EYS: variants seen among roughly 807,000 people sequenced by gnomAD.
EYS encodes the protein protein eyes shut homolog.
A neutral mutation model predicts 282.1 loss-of-function variants in EYS; 250 were observed. The observed-to-expected ratio is 0.89, with a 90% CI of 0.80 to 0.98. The LOEUF is 0.98. Among genes scored for constraint, EYS ranks in the 50% least tolerant of loss-of-function variants. The pLI is 0.00. For synonymous variants in EYS, 1,355 were observed against 1,282.9 expected (o/e 1.06, Z -1.20); for missense variants, 4,016 against 3,709.0 (o/e 1.08, Z -2.15).
intron 4 of EYS, among the ~76,000 whole-genome samples, chr6:65,494,067 G>T (rs966610510): frequency 6.6e-6 from 1 of 152,030 alleles, no homozygotes; most frequent in Admixed American, 6.6e-5. Context: ...ATGTTTTAAT[G>T]TATGAGACGT....
intron 35 of EYS, among the ~76,000 whole-genome samples, chr6:63,871,362 G>A (rs1051454040): frequency 4.6e-5 from 7 of 152,140 alleles, no homozygotes; most frequent in Non-Finnish European, 7.4e-5. Flanking sequence ...AGTTTTCCCC[G>A]TTATTAATTT....
chr6:65,499,546 T>A (rs538847859), intron 2 of EYS, among the ~76,000 whole-genome samples: 2 of 152,102 alleles, frequency 1.3e-5, no homozygotes, highest in South Asian at 4.1e-4. Flanking sequence ...AAATTATACA[T>A]TGTACTTTCA....
At chr6:63,916,621 A>C (rs968487051) in intron 35 of EYS, among the ~76,000 whole-genome samples, 21 of 152,230 alleles carry the variant, frequency 1.4e-4, no homozygotes, top group African/African-American at 4.8e-4. Flanking sequence ...TTCTGGATAC[A>C]AGTTCTTCAT....
rs1234486237 is a variant in EYS at position 65,494,895 on chromosome 6, C to T, written c.516G>A (p.Gln172=). Reference sequence around the variant, plus strand: ...CTGAACTCAGAGATTCCTGGCAGAACTGCTGTTTCACTGTCACATTTAGTC... The same window carrying T: ...CTGAACTCAGAGATTCCTGGCAGAATTGCTGTTTCACTGTCACATTTAGTC... ...GLRLNVTVKQ[Q]FCQESLSSEF... is the part of the protein sequence containing the mutation. Residue 172 remains glutamine, a synonymous_variant, in exon 4 of 43, where the codon CAG becomes CAA. Coordinates refer to ENST00000503581, the MANE Select transcript of EYS (RefSeq NM_001142800.2). 4 of 1,613,934 alleles carry T rather than the reference C, an allele frequency of 2.5e-6. No homozygotes were observed. Among genetic ancestry groups the T allele is most frequent in the African/African-American group, 2.7e-5 (2 of 74,912 alleles).
At chr6:65,465,356 A>C (rs1258752141) in intron 5 of EYS, among the ~76,000 whole-genome samples, 2 of 151,886 alleles carry the variant, frequency 1.3e-5, no homozygotes, top group Non-Finnish European at 2.9e-5. Flanking sequence ...GCACACCTGC[A>C]GTGTTAGCTA....
intron 12 of EYS, among the ~76,000 whole-genome samples, chr6:65,158,019 T>G (rs966946156): frequency 6.6e-6 from 1 of 150,944 alleles, no homozygotes; most frequent in Non-Finnish European, 1.5e-5. Context: ...ATAAATCTTT[T>G]GTAATATCAT....
intron 16 of EYS, among the ~76,000 whole-genome samples, chr6:64,911,770 T>C (rs1767999734): frequency 6.6e-6 from 1 of 152,140 alleles, no homozygotes; most frequent in South Asian, 2.1e-4. Context: ...TAATTGCTTA[T>C]GAGTAGCCAT....
At chr6:64,649,436 C>T (rs1298666241) in intron 22 of EYS, among the ~76,000 whole-genome samples, 1 of 151,816 alleles carries the variant, frequency 6.6e-6, no homozygotes, top group Non-Finnish European at 1.5e-5. Context: ...TTCCAGGGTT[C>T]AAGCGATTCT....
At chr6:63,948,322 A>G (rs1257672536) in intron 35 of EYS, among the ~76,000 whole-genome samples, 1 of 152,194 alleles carries the variant, frequency 6.6e-6, no homozygotes, top group Non-Finnish European at 1.5e-5. Context: ...TTGCTTTCTC[A>G]TAGCATGTGC....
At chr6:65,677,980 G>A (rs1400727240) in intron 1 of EYS, among the ~76,000 whole-genome samples, 1 of 152,030 alleles carries the variant, frequency 6.6e-6, no homozygotes, top group Non-Finnish European at 1.5e-5. Context: ...AAGGAATAGT[G>A]GAGGCTGGGT....
chr6:64,474,409 A>C (rs1369032780), intron 26 of EYS, among the ~76,000 whole-genome samples: 1 of 152,238 alleles, frequency 6.6e-6, no homozygotes, highest in African/African-American at 2.4e-5. Flanking sequence ...CTAGTAGCAT[A>C]AACTCAACCT....
intron 26 of EYS, among the ~76,000 whole-genome samples, chr6:64,539,177 C>T (rs1390164281): frequency 6.6e-6 from 1 of 152,116 alleles, no homozygotes; most frequent in African/African-American, 2.4e-5. Context: ...AGAGTGGCTG[C>T]ATGACAATGT....
In EYS at chr6:64,591,726, C is replaced by T. The variant is rs1758206278; in HGVS notation, c.4141G>A (p.Gly1381Ser). The change falls in exon 26 of 43, where the codon GGT becomes AGT. Residue 1381 changes from glycine to serine, a missense_variant. Coordinates refer to ENST00000503581, the MANE Select transcript of EYS (RefSeq NM_001142800.2). The stretch of plus-strand genomic sequence containing the variant: ...GCTCTCCTATCAGGAAAAAAGAAAC[C>T]TAGTGTGGCTGCTGAAGTTCGAATA... The part of the protein sequence containing the change: ...MPIRTSAATL[G>S]FFFPDRRART... The T allele has an allele frequency of 6.4e-7, 1 of 1,551,294 alleles. No individual in the cohort carries two copies. The highest frequency in any genetic ancestry group is 2.0e-5 in the Admixed American group (1 of 50,970).
At chr6:64,696,198 A>C (rs1015166843) in intron 22 of EYS, among the ~76,000 whole-genome samples, 3 of 152,202 alleles carry the variant, frequency 2.0e-5, no homozygotes, top group African/African-American at 7.2e-5. Flanking sequence ...GAAATAAAAA[A>C]TTTGTTGAAA....
At chr6:64,923,629 A>G (rs1294230690) in intron 15 of EYS, among the ~76,000 whole-genome samples, 6 of 152,320 alleles carry the variant, frequency 3.9e-5, no homozygotes, top group East Asian at 1.9e-4. Context: ...AAAGCAAGAT[A>G]GTTATTTCCT....
intron 2 of EYS, among the ~76,000 whole-genome samples, chr6:65,545,767 A>C (rs1768361156): frequency 6.6e-6 from 1 of 152,164 alleles, no homozygotes; most frequent in Non-Finnish European, 1.5e-5. Context: ...ATAGTTAAGA[A>C]AGACCATCAA....
Position 64,591,450 on chromosome 6 carries a change from A to G in EYS, c.4417T>C (p.Ser1473Pro). Residue 1473 changes from serine (S) to proline (P), a missense_variant, in exon 26 of 43, where the codon TCA becomes CCA. Ser to Pro is a moderately conservative substitution (Grantham distance 74). Transcript: ENST00000503581. ...CTTCTTGAAATTAAAGAATCAGCTG[A>G]ATATTCTTCAATATCCTCTTGAGCC... is the stretch of plus-strand genomic sequence containing the variant. ...RGAQEDIEEYSADSLISRREH... is the reference protein window; with the variant it reads ...RGAQEDIEEYPADSLISRREH... 1 of 1,551,348 alleles carries G rather than the reference A, an allele frequency of 6.4e-7. No individual in the cohort carries two copies. The highest frequency in any genetic ancestry group is 2.4e-5 in the East Asian group (1 of 40,898).
intron 35 of EYS, among the ~76,000 whole-genome samples, chr6:63,970,107 C>T (rs540945776): frequency 1.9e-4 from 29 of 152,274 alleles, no homozygotes; most frequent in South Asian, 6.2e-4. Flanking sequence ...GGAGACATGG[C>T]GAGGTGGTGA....
intron 29 of EYS, among the ~76,000 whole-genome samples, chr6:64,331,102 T>A (rs1770631116): frequency 6.6e-6 from 1 of 152,128 alleles, no homozygotes; most frequent in African/African-American, 2.4e-5. Context: ...CCTCTGCTGG[T>A]CGGAACTTCG....
Sources: gnomAD v4.1 joint callset for allele counts (sites outside exome capture counted in the v4.1 genomes callset) on GRCh38, gnomAD v4.1.1 for gene constraint, MANE v1.5 for transcripts, NCBI Gene and HGNC (gene_info 2026-07-23, HGNC 2026-07-21) for gene names.